RYR2: variants seen among roughly 807,000 people sequenced by gnomAD.
RYR2 encodes ryanodine receptor 2, also known as cardiac muscle ryanodine receptor-calcium release channel.
RYR2 carries 227 observed loss-of-function variants against 601.1 expected under a neutral mutation model. The ratio of observed to expected loss-of-function variants is 0.38; its 90% CI spans 0.34 to 0.42. The LOEUF is 0.42. Ranked by LOEUF, RYR2 falls within the 10% of genes least tolerant of loss-of-function variation. RYR2 has a pLI of 1.00. For synonymous variants in RYR2, 2,223 were observed against 2,175.1 expected (o/e 1.02, Z -0.61); for missense variants, 4,646 against 6,156.5 (o/e 0.75, Z 8.21).
intron 1 of RYR2, among the ~76,000 whole-genome samples, chr1:237,141,096 G>A (rs1370616788): frequency 7.9e-5 from 12 of 152,154 alleles, no homozygotes; most frequent in Non-Finnish European, 1.8e-4. Context: ...ACAGCTTCTG[G>A]ATGTATTTAG....
At chr1:237,359,425 G>C (rs1275550827) in intron 4 of RYR2, among the ~76,000 whole-genome samples, 1 of 152,058 alleles carries the variant, frequency 6.6e-6, no homozygotes, top group Non-Finnish European at 1.5e-5. Flanking sequence ...TCGGAGACTG[G>C]TCATTGTTTT....
At chr1:237,171,269 AAT>A (rs1020298171) in intron 1 of RYR2, among the ~76,000 whole-genome samples, 2 of 152,140 alleles carry the variant, frequency 1.3e-5, no homozygotes, top group African/African-American at 4.8e-5. Context: ...ATTAAAAAAA[AAT>A]ATTTAAAGTA....
chr1:237,144,947 G>A (rs1673824147), intron 1 of RYR2, among the ~76,000 whole-genome samples: 1 of 151,962 alleles, frequency 6.6e-6, no homozygotes, highest in Non-Finnish European at 1.5e-5. Context: ...TTCCTTGCTT[G>A]TACCACTATA....
At chr1:237,395,995 A>G (rs895457580) in intron 10 of RYR2, among the ~76,000 whole-genome samples, 1 of 152,202 alleles carries the variant, frequency 6.6e-6, no homozygotes, top group Non-Finnish European at 1.5e-5. Context: ...ATAGTGAGGT[A>G]TATATGGGAA....
chr1:237,510,697 A>C (rs1431414163), intron 23 of RYR2, among the ~76,000 whole-genome samples: 1 of 152,160 alleles, frequency 6.6e-6, no homozygotes, highest in Non-Finnish European at 1.5e-5. Context: ...CTCATGAACT[A>C]ATTTGTTCCC....
chr1:237,767,304 C>G (rs1693921187), intron 84 of RYR2, among the ~76,000 whole-genome samples: 1 of 152,048 alleles, frequency 6.6e-6, no homozygotes, highest in African/African-American at 2.4e-5. Context: ...AACTTTACAA[C>G]ATTTAGAAAC....
intron 27 of RYR2, among the ~76,000 whole-genome samples, chr1:237,563,721 A>G (rs919219501): frequency 1.9e-5 from 2 of 105,746 alleles, no homozygotes; most frequent in Non-Finnish European, 4.8e-5. Context: ...AGAATTGTGT[A>G]GGGGGCTTTT....
At chr1:237,485,872 G>A (rs1558900224) in intron 17 of RYR2, among the ~76,000 whole-genome samples, 1 of 152,114 alleles carries the variant, frequency 6.6e-6, no homozygotes, top group African/African-American at 2.4e-5. Context: ...GGAAGGTCTG[G>A]GAAGCCATTA....
intron 12 of RYR2, among the ~76,000 whole-genome samples, chr1:237,429,612 A>G (rs892206646): frequency 6.6e-6 from 1 of 152,090 alleles, no homozygotes; most frequent in Non-Finnish European, 1.5e-5. Context: ...CATCTTTCTC[A>G]TTTGATTCTT....
chr1:237,737,339 A>G (rs1194084246), intron 79 of RYR2, among the ~76,000 whole-genome samples: 2 of 152,218 alleles, frequency 1.3e-5, no homozygotes, highest in Admixed American at 6.5e-5. Flanking sequence ...TGCACCACGC[A>G]GTTTGTTACA....
chr1:237,349,531 C>T (rs948657882), intron 3 of RYR2, among the ~76,000 whole-genome samples: 1 of 152,082 alleles, frequency 6.6e-6, no homozygotes, highest in African/African-American at 2.4e-5. Context: ...TTAATGCTAA[C>T]TATACAAAAT....
chr1:237,725,448 G>A (rs552722426), intron 74 of RYR2, among the ~76,000 whole-genome samples: 1 of 151,990 alleles, frequency 6.6e-6, no homozygotes, highest in Admixed American at 6.6e-5. Flanking sequence ...TAGGTGGACA[G>A]GAAACACTTG....
intron 1 of RYR2, among the ~76,000 whole-genome samples, chr1:237,173,496 G>A (rs576246288): frequency 6.6e-6 from 1 of 152,174 alleles, no homozygotes; most frequent in Non-Finnish European, 1.5e-5. Context: ...AAGGTCAGCT[G>A]TTTGTGATTG....
intron 1 of RYR2, among the ~76,000 whole-genome samples, chr1:237,268,959 A>AG (rs1339012391): frequency 6.7e-6 from 1 of 150,028 alleles, no homozygotes; most frequent in Non-Finnish European, 1.5e-5. Context: ...AAAAAAAAAA[A>AG]AAGGAAATAA....
chr1:237,062,896 A>T (rs530992195), intron 1 of RYR2, among the ~76,000 whole-genome samples: 1 of 150,728 alleles, frequency 6.6e-6, no homozygotes, highest in Non-Finnish European at 1.5e-5. Flanking sequence ...TCTGCCTTGT[A>T]TTGGGAGTCT....
At chr1:237,424,596 GC>G (rs1705944793) in intron 12 of RYR2, among the ~76,000 whole-genome samples, 1 of 152,114 alleles carries the variant, frequency 6.6e-6, no homozygotes, top group Non-Finnish European at 1.5e-5. Context: ...GCACTACAAT[GC>G]TTTTTCAATA....
intron 46 of RYR2, among the ~76,000 whole-genome samples, chr1:237,639,754 A>G (rs1681267440): frequency 6.6e-6 from 1 of 152,170 alleles, no homozygotes; most frequent in Non-Finnish European, 1.5e-5. Context: ...AGTCATCGAC[A>G]TAAGTAAATC....
At chr1:237,117,166 G>A (rs1418883917) in intron 1 of RYR2, among the ~76,000 whole-genome samples, 1 of 152,014 alleles carries the variant, frequency 6.6e-6, no homozygotes, top group African/African-American at 2.4e-5. Flanking sequence ...GATGGAGAAG[G>A]AAGACAGGAT....
chr1:237,303,024 A>G (rs573925616), intron 2 of RYR2, among the ~76,000 whole-genome samples: 15 of 152,312 alleles, frequency 9.8e-5, no homozygotes, highest in African/African-American at 3.6e-4. Flanking sequence ...TCTGAAAGGC[A>G]TAAGATCTCT....
Sources: allele counts gnomAD v4.1 joint callset (sites outside exome capture counted in the v4.1 genomes callset), GRCh38; gene constraint gnomAD v4.1.1; transcripts MANE v1.5; gene names NCBI Gene and HGNC (gene_info 2026-07-23, HGNC 2026-07-21).